The following FKBP5 variants were observed in gnomAD, a reference collection of about 807,000 sequenced individuals.
FKBP5 encodes the protein peptidyl-prolyl cis-trans isomerase FKBP5.
In FKBP5, 23 loss-of-function variants were observed where a neutral mutation model predicts 50.5. The observed-to-expected ratio is 0.46, with a 90% CI of 0.33 to 0.65. The LOEUF is 0.65. Ranked by LOEUF, FKBP5 falls within the 30% of genes least tolerant of loss-of-function variation. The pLI, the probability that FKBP5 is intolerant of heterozygous loss-of-function variation, is 0.02. For missense variants in FKBP5, 411 were observed against 553.1 expected (o/e 0.74, Z 2.58); for synonymous variants, 176 against 190.6 (o/e 0.92, Z 0.63).
intron 1 of FKBP5, among the ~76,000 whole-genome samples, chr6:35,683,095 A>AGT (rs1297051166): frequency 1.4e-5 from 2 of 147,404 alleles, no homozygotes; most frequent in Admixed American, 1.4e-4. Context: ...TAAAAAAAAA[A>AGT]GTGTGTGTGT....
At chr6:35,721,409 A>G (rs1303543806) in intron 1 of FKBP5, among the ~76,000 whole-genome samples, 1 of 151,962 alleles carries the variant, frequency 6.6e-6, no homozygotes, top group East Asian at 1.9e-4. Flanking sequence ...ATGGTTGCTG[A>G]ACTTGATTTT....
At chr6:35,655,884 G>A (rs1020458151) in intron 1 of FKBP5, among the ~76,000 whole-genome samples, 4 of 152,154 alleles carry the variant, frequency 2.6e-5, no homozygotes, top group African/African-American at 9.7e-5. Context: ...CATTATAAGA[G>A]TGTCTGTACA....
At chr6:35,597,456 A>G in intron 5 of FKBP5, 52 bp from the exon 6 acceptor site, 1 of 1,562,840 alleles carries the variant, frequency 6.4e-7, no homozygotes, top group Non-Finnish European at 8.6e-7. Context: ...AGGACTGGCT[A>G]ATTCAGTGAA....
At chr6:35,584,574 G>A in intron 8 of FKBP5, 1 of 985,426 alleles carries the variant, frequency 1.0e-6, no homozygotes, top group African/African-American at 1.7e-5. Context: ...AATATGTACA[G>A]GAAACTATCT....
At chr6:35,623,517 T>G (rs561513777) in intron 3 of FKBP5, among the ~76,000 whole-genome samples, 1 of 152,184 alleles carries the variant, frequency 6.6e-6, no homozygotes, top group African/African-American at 2.4e-5. Flanking sequence ...AAAGGTGATA[T>G]GCATTTTAAA....
At chr6:35,586,070 C>T in intron 8 of FKBP5, 2 of 985,150 alleles carry the variant, frequency 2.0e-6, no homozygotes, top group South Asian at 4.7e-5. Flanking sequence ...ATTGCAGTGG[C>T]AGAAAACGAA....
intron 8 of FKBP5, chr6:35,580,449 A>T: frequency 2.5e-6 from 1 of 399,488 alleles, no homozygotes; most frequent in Non-Finnish European, 4.4e-6. Flanking sequence ...GCTCTGCAGC[A>T]TTTCCATCCG....
intron 1 of FKBP5, among the ~76,000 whole-genome samples, chr6:35,663,297 AG>A (rs1007085925): frequency 3.3e-5 from 5 of 152,222 alleles, no homozygotes; most frequent in African/African-American, 1.2e-4. Flanking sequence ...GCTAAAGTGA[AG>A]GGTACATGTG....
chr6:35,602,822 T>C (rs920357336), intron 5 of FKBP5, among the ~76,000 whole-genome samples: 2 of 152,156 alleles, frequency 1.3e-5, no homozygotes, highest in African/African-American at 4.8e-5. Context: ...TGGAACTGAA[T>C]AACATTTATG....
intron 1 of FKBP5, among the ~76,000 whole-genome samples, chr6:35,724,010 G>C (rs1414537888): frequency 1.3e-5 from 2 of 152,252 alleles, no homozygotes; most frequent in African/African-American, 4.8e-5. Context: ...AAGCGAGTCT[G>C]ATTCTTACTT....
At chr6:35,620,016 T>G in intron 4 of FKBP5, 116 bp downstream of exon 4, 1 of 1,265,368 alleles carries the variant, frequency 7.9e-7, no homozygotes, top group East Asian at 2.3e-5. Flanking sequence ...CCAAAATAAG[T>G]AAGTTGGATC....
chr6:35,588,296 T>C (rs1386360408), intron 7 of FKBP5, among the ~76,000 whole-genome samples: 2 of 152,046 alleles, frequency 1.3e-5, no homozygotes, highest in Non-Finnish European at 2.9e-5. Context: ...ATTACAGGCG[T>C]GAGCTACCGC....
intron 1 of FKBP5, among the ~76,000 whole-genome samples, chr6:35,650,383 T>C (rs1338126492): frequency 2.6e-5 from 4 of 152,062 alleles, no homozygotes; most frequent in Non-Finnish European, 5.9e-5. Flanking sequence ...CAGTGATGAT[T>C]TGGTTATCTG....
At chr6:35,672,164 G>A (rs1319655774) in intron 1 of FKBP5, among the ~76,000 whole-genome samples, 3 of 152,016 alleles carry the variant, frequency 2.0e-5, no homozygotes, top group African/African-American at 4.8e-5. Context: ...GACCGTGACC[G>A]GCCACTATCT....
intron 3 of FKBP5, among the ~76,000 whole-genome samples, chr6:35,620,878 A>C (rs1361721087): frequency 6.6e-6 from 1 of 152,202 alleles, no homozygotes; most frequent in East Asian, 1.9e-4. Flanking sequence ...ATTGTTGCCT[A>C]ATTTATCATT....
intron 5 of FKBP5, among the ~76,000 whole-genome samples, chr6:35,605,444 G>A (rs1763283337): frequency 7.8e-6 from 1 of 127,866 alleles, no homozygotes; most frequent in Non-Finnish European, 1.6e-5. Context: ...TGCCCAGGCT[G>A]GAGTGCAGTG....
At chr6:35,592,889 C>T (rs1056584915) in intron 6 of FKBP5, among the ~76,000 whole-genome samples, 11 of 152,152 alleles carry the variant, frequency 7.2e-5, no homozygotes, top group Admixed American at 2.0e-4. Flanking sequence ...GATTAGCAAG[C>T]CCAAAGTGTC....
chr6:35,591,537 G>GT lies in FKBP5; in HGVS notation c.666-318dup, dbSNP rs879860288. Among the ~76,000 whole-genome samples the GT allele has an allele frequency of 7.2e-3, 1,048 of 144,874 alleles. 10 individuals carry two copies. Among genetic ancestry groups the GT allele is most frequent in the Middle Eastern group, 0.018 (5 of 280 alleles). On this transcript the variant is annotated intron_variant, in intron 6 of 10. Transcript: ENST00000357266. Reference sequence around the variant, plus strand: ...TTTTCTCTACTTGATTTCATATCTAGTTTTTTTTTTTTAATAAAATGGCCA... The same window carrying GT: ...TTTTCTCTACTTGATTTCATATCTAGTTTTTTTTTTTTTAATAAAATGGCCA...
At chr6:35,586,584 A>G (rs531603772) in intron 8 of FKBP5, 18 of 989,248 alleles carry the variant, frequency 1.8e-5, no homozygotes, top group Non-Finnish European at 2.0e-5. Flanking sequence ...CTGGGAAAGA[A>G]AGGGAGACCC....
Sources: gnomAD v4.1 joint callset for allele counts (sites outside exome capture counted in the v4.1 genomes callset) on GRCh38, gnomAD v4.1.1 for gene constraint, MANE v1.5 for transcripts, NCBI Gene and HGNC (gene_info 2026-07-23, HGNC 2026-07-21) for gene names.